Variants in GALNT13 observed in about 807,000 individuals in gnomAD.
The protein encoded by GALNT13 is polypeptide N-acetylgalactosaminyltransferase 13.
Under a neutral mutation model 64.2 loss-of-function variants are expected in GALNT13, and 28 were observed. That is an observed-to-expected ratio of 0.44 (90% CI 0.32 to 0.60). GALNT13 has a LOEUF of 0.60. Ranked by LOEUF, GALNT13 falls within the 20% of genes least tolerant of loss-of-function variation. The pLI is 0.05. For missense variants in GALNT13, 577 were observed against 669.8 expected (o/e 0.86, Z 1.53); for synonymous variants, 214 against 224.6 (o/e 0.95, Z 0.42).
the GALNT13 span, among the ~76,000 whole-genome samples, chr2:153,528,076 T>A: frequency 1.3e-5 from 2 of 151,868 alleles, no homozygotes; most frequent in Non-Finnish European, 2.9e-5. Flanking sequence ...TAAGTTCTTA[T>A]CAATAATAAT....
chr2:153,650,687 G>A, the GALNT13 span, among the ~76,000 whole-genome samples: 1 of 152,094 alleles, frequency 6.6e-6, no homozygotes, highest in Non-Finnish European at 1.5e-5. Context: ...GCATTTGCTT[G>A]TCTGCAAAGT....
At chr2:153,558,214 C>T in the GALNT13 span, among the ~76,000 whole-genome samples, 2 of 152,156 alleles carry the variant, frequency 1.3e-5, no homozygotes, top group Admixed American at 6.5e-5. Context: ...ACCTAACCCT[C>T]GGTGCAAACA....
intron 3 of GALNT13, among the ~76,000 whole-genome samples, chr2:153,949,900 TG>T (rs1334294418): frequency 6.6e-6 from 1 of 151,894 alleles, no homozygotes; most frequent in Non-Finnish European, 1.5e-5. Flanking sequence ...GAGAATAAAG[TG>T]GCAATCCATG....
the GALNT13 span, among the ~76,000 whole-genome samples, chr2:153,739,149 A>G: frequency 6.6e-6 from 1 of 151,926 alleles, no homozygotes; most frequent in African/African-American, 2.4e-5. Flanking sequence ...TAAATCAATA[A>G]ATTACATTCA....
At chr2:153,795,887 A>G in the GALNT13 span, among the ~76,000 whole-genome samples, 1 of 152,186 alleles carries the variant, frequency 6.6e-6, no homozygotes, top group Non-Finnish European at 1.5e-5. Context: ...TATCTGTGGC[A>G]TATTTTATAC....
At chr2:153,468,335 C>T in the GALNT13 span, among the ~76,000 whole-genome samples, 1 of 152,018 alleles carries the variant, frequency 6.6e-6, no homozygotes, top group Non-Finnish European at 1.5e-5. Flanking sequence ...TCCGTGAAGT[C>T]TTTGTTTGCG....
the GALNT13 span, among the ~76,000 whole-genome samples, chr2:153,444,677 T>G: frequency 2.6e-5 from 4 of 152,242 alleles, no homozygotes; most frequent in Non-Finnish European, 5.9e-5. Context: ...TGGCATATCA[T>G]ATAAATGAAA....
the GALNT13 span, among the ~76,000 whole-genome samples, chr2:153,629,648 G>A: frequency 3.3e-5 from 5 of 152,002 alleles, no homozygotes; most frequent in African/African-American, 1.2e-4. Flanking sequence ...TTGACAAATG[G>A]GATCTAATTA....
the GALNT13 span, among the ~76,000 whole-genome samples, chr2:153,637,565 G>A: frequency 6.6e-6 from 1 of 152,156 alleles, no homozygotes; most frequent in Non-Finnish European, 1.5e-5. Flanking sequence ...AGAACACAGG[G>A]AGGAGAGAGA....
At chr2:153,384,080 A>T in the GALNT13 span, among the ~76,000 whole-genome samples, 4 of 152,062 alleles carry the variant, frequency 2.6e-5, no homozygotes, top group Middle Eastern at 3.2e-3. Flanking sequence ...CCATTTTTAA[A>T]TTACCAAGCA....
the GALNT13 span, among the ~76,000 whole-genome samples, chr2:153,523,345 T>C: frequency 6.6e-6 from 1 of 152,182 alleles, no homozygotes. Flanking sequence ...AGTCTGGTGA[T>C]ATCTACAAAA....
the GALNT13 span, among the ~76,000 whole-genome samples, chr2:153,777,812 T>C: frequency 2.6e-5 from 4 of 152,064 alleles, no homozygotes; most frequent in Non-Finnish European, 4.4e-5. Flanking sequence ...GAGTGCCCTT[T>C]TAGTTTAGCC....
At chr2:153,254,399 T>G in the GALNT13 span, among the ~76,000 whole-genome samples, 1 of 152,234 alleles carries the variant, frequency 6.6e-6, no homozygotes, top group Non-Finnish European at 1.5e-5. Flanking sequence ...GTCAATTTTG[T>G]AGATCCTTTC....
At position 154,301,462 on chromosome 2, in the gene GALNT13, T is replaced by C. The variant is rs779954201; in HGVS notation, c.1029T>C (p.His343=). 7.4e-6 allele frequency: 12 copies of C among 1,613,798 alleles called. No individual in the cohort carries two copies. The South Asian group carries it at 1.1e-4, about 15-fold the overall frequency. ...LEIVTCSHVG[H]VFRKATPYTF... ...TTGTTACTTGCTCCCATGTTGGTCA[T>C]GTTTTTCGGAAGGCAACTCCATACA... Residue 343 remains histidine, a synonymous_variant, in exon 9 of 13, where the codon CAT becomes CAC. Coordinates refer to ENST00000392825, the MANE Select transcript of GALNT13 (RefSeq NM_052917.4).
At chr2:153,879,819 A>G (rs1686660563) in intron 1 of GALNT13, among the ~76,000 whole-genome samples, 1 of 152,340 alleles carries the variant, frequency 6.6e-6, no homozygotes, top group East Asian at 1.9e-4. Flanking sequence ...TAAAAAGTTT[A>G]TATTTTAGAA....
chr2:154,426,503 T>A (rs1232468237), intron 11 of GALNT13, among the ~76,000 whole-genome samples: 1 of 152,174 alleles, frequency 6.6e-6, no homozygotes, highest in African/African-American at 2.4e-5. Flanking sequence ...AAATTGTACA[T>A]CAGTCACATA....
the GALNT13 span, among the ~76,000 whole-genome samples, chr2:153,701,204 A>G: frequency 6.6e-6 from 1 of 152,154 alleles, no homozygotes; most frequent in Non-Finnish European, 1.5e-5. Context: ...ATCTACAACC[A>G]TCTGATCTTC....
chr2:153,793,845 A>G, the GALNT13 span, among the ~76,000 whole-genome samples: 1 of 152,192 alleles, frequency 6.6e-6, no homozygotes, highest in South Asian at 2.1e-4. Flanking sequence ...AATGCAAGCA[A>G]AATAGAAACA....
chr2:153,814,681 G>A, the GALNT13 span, among the ~76,000 whole-genome samples: 1 of 151,914 alleles, frequency 6.6e-6, no homozygotes, highest in Non-Finnish European at 1.5e-5. Context: ...ACACAGAAAG[G>A]CCTCCTCTCC....
Sources: gnomAD v4.1 joint callset for allele counts (sites outside exome capture counted in the v4.1 genomes callset) on GRCh38, gnomAD v4.1.1 for gene constraint, MANE v1.5 for transcripts, NCBI Gene and HGNC (gene_info 2026-07-23, HGNC 2026-07-21) for gene names.